The following PLEKHA5 variants were observed in gnomAD, a reference collection of about 807,000 sequenced individuals.
The protein encoded by PLEKHA5 is pleckstrin homology domain containing A5, also known as pleckstrin homology domain-containing family A member 5.
PLEKHA5 carries 55 observed loss-of-function variants against 181.9 expected under a neutral mutation model. That is an observed-to-expected ratio of 0.30 (90% CI 0.24 to 0.38). The LOEUF (loss-of-function observed/expected upper bound fraction) is 0.38. Ranked by LOEUF, PLEKHA5 falls within the 10% of genes least tolerant of loss-of-function variation. PLEKHA5 has a pLI of 1.00. For missense variants in PLEKHA5, 1,432 were observed against 1,549.5 expected, an observed-to-expected ratio of 0.92 and a Z score of 1.27; for synonymous variants, 535 against 529.4, an observed-to-expected ratio of 1.01 and a Z score of -0.15.
chr12:19,306,950 T>G (rs1043818313), intron 15 of PLEKHA5: 3 of 1,120,310 alleles, frequency 2.7e-6, no homozygotes, highest in South Asian at 1.4e-5. Context: ...GTTGGGCTCC[T>G]GCCTACTCCT....
chr12:19,233,014 G>A (rs557896614), intron 3 of PLEKHA5, among the ~76,000 whole-genome samples: 3 of 152,262 alleles, frequency 2.0e-5, no homozygotes, highest in Admixed American at 1.3e-4. Flanking sequence ...ATCATTAGGT[G>A]TGAGAGTTTA....
At chr12:19,205,462 T>C in intron 3 of PLEKHA5, 1 of 732,546 alleles carries the variant, frequency 1.4e-6, no homozygotes, top group Admixed American at 6.3e-5. Context: ...ATTGGCTGTT[T>C]TGTTCTATTT....
At chr12:19,350,389 C>A (rs371177313) in intron 25 of PLEKHA5, among the ~76,000 whole-genome samples, 213 of 152,312 alleles carry the variant, frequency 1.4e-3, no homozygotes, top group Middle Eastern at 3.4e-3. Flanking sequence ...AAATGTAAAA[C>A]TTTTTAGAAA....
At chr12:19,325,228 C>T (rs2091813703) in intron 20 of PLEKHA5, among the ~76,000 whole-genome samples, 1 of 151,520 alleles carries the variant, frequency 6.6e-6, no homozygotes, top group African/African-American at 2.4e-5. Flanking sequence ...CCTATCTCTA[C>T]AAGAAACAAA....
chr12:19,226,060 A>G (rs2152335855), intron 3 of PLEKHA5, among the ~76,000 whole-genome samples: 1 of 152,332 alleles, frequency 6.6e-6, no homozygotes, highest in Non-Finnish European at 1.5e-5. Context: ...TAAAATGTAC[A>G]GTACATTGGT....
intron 3 of PLEKHA5, among the ~76,000 whole-genome samples, chr12:19,242,488 G>C (rs1257011036): frequency 6.6e-6 from 1 of 152,062 alleles, no homozygotes; most frequent in African/African-American, 2.4e-5. Context: ...TGATCCACCT[G>C]CCTCTGCCTC....
chr12:19,306,708 A>C, intron 15 of PLEKHA5: 1 of 1,468,328 alleles, frequency 6.8e-7, no homozygotes, highest in Admixed American at 1.7e-5. Context: ...TCGGTTTCCT[A>C]GGCAAGATCG....
At chr12:19,225,645 T>C (rs904656766) in intron 3 of PLEKHA5, among the ~76,000 whole-genome samples, 1 of 152,186 alleles carries the variant, frequency 6.6e-6, no homozygotes, top group African/African-American at 2.4e-5. Context: ...TGTTAGAGGG[T>C]CCCAAACTAC....
chr12:19,349,832 G>T (rs775102446), intron 25 of PLEKHA5, among the ~76,000 whole-genome samples: 2 of 152,036 alleles, frequency 1.3e-5, no homozygotes, highest in Non-Finnish European at 2.9e-5. Flanking sequence ...CAAAAGTTTG[G>T]CTGGGCACGG....
chr12:19,342,060 C>CT (rs1459570803), intron 21 of PLEKHA5, among the ~76,000 whole-genome samples: 1 of 152,026 alleles, frequency 6.6e-6, no homozygotes, highest in African/African-American at 2.4e-5. Flanking sequence ...CATTAGAGGA[C>CT]TTTTTTAGCA....
At chr12:19,287,365 C>G in intron 12 of PLEKHA5, 108 bp from the exon 13 acceptor site, 2 of 735,196 alleles carry the variant, frequency 2.7e-6, no homozygotes. Flanking sequence ...GCACTAATAG[C>G]AATTTTAAAT....
chr12:19,187,651 A>G (rs2050163720), intron 3 of PLEKHA5, among the ~76,000 whole-genome samples: 2 of 152,136 alleles, frequency 1.3e-5, no homozygotes, highest in Admixed American at 6.5e-5. Flanking sequence ...TAAAAGTCAG[A>G]TCTTTTTAGT....
intron 3 of PLEKHA5, among the ~76,000 whole-genome samples, chr12:19,197,691 TGTGTG>T (rs2053191746): frequency 8.1e-6 from 1 of 123,408 alleles, no homozygotes; most frequent in Non-Finnish European, 1.8e-5. Context: ...TGTGTGTGTG[TGTGTG>T]TGTGTGTGTG....
chr12:19,213,631 G>T (rs185932406), intron 3 of PLEKHA5, among the ~76,000 whole-genome samples: 67 of 152,244 alleles, frequency 4.4e-4, no homozygotes, highest in African/African-American at 1.5e-3. Flanking sequence ...GAAGGAGGAG[G>T]AGATAGGGCA....
chr12:19,345,898 G>T lies in PLEKHA5; in HGVS notation c.2709+10G>T. On this transcript the variant is annotated intron_variant, in intron 23 of 31. Transcript: ENST00000429027. Reference sequence around the variant, plus strand: ...TAAGTACAAAAATGAGGTAAGTTTGGATTGTTTTTCTAATTATAAATTACT... The same window carrying T: ...TAAGTACAAAAATGAGGTAAGTTTGTATTGTTTTTCTAATTATAAATTACT... 2.2e-6 allele frequency: 3 copies of T among 1,384,848 alleles called. No individual in the cohort carries two copies. The highest frequency in any genetic ancestry group is 3.1e-6 in the Non-Finnish European group (3 of 980,096). 85.8% of individuals were successfully genotyped at this position (1,384,848 alleles called of 1,614,324 possible).
At chr12:19,178,428 G>T (rs895726502) in intron 3 of PLEKHA5, among the ~76,000 whole-genome samples, 8 of 152,190 alleles carry the variant, frequency 5.3e-5, no homozygotes, top group African/African-American at 1.9e-4. Context: ...TCACAAGTTA[G>T]AGAGACAGGT....
intron 30 of PLEKHA5, among the ~76,000 whole-genome samples, chr12:19,366,892 A>T (rs575706670): frequency 1.3e-5 from 2 of 151,982 alleles, no homozygotes; most frequent in Non-Finnish European, 2.9e-5. Flanking sequence ...CTATTCTCTC[A>T]TATTTTTTGG....
chr12:19,178,905 T>C (rs188805232), intron 3 of PLEKHA5, among the ~76,000 whole-genome samples: 1 of 152,314 alleles, frequency 6.6e-6, no homozygotes, highest in East Asian at 1.9e-4. Flanking sequence ...CTGTTGGATA[T>C]ATCAGTCTAA....
At chr12:19,334,141 AT>A (rs1282074312) in intron 20 of PLEKHA5, among the ~76,000 whole-genome samples, 2 of 152,104 alleles carry the variant, frequency 1.3e-5, no homozygotes, top group Non-Finnish European at 2.9e-5. Context: ...ACCCAGCCAG[AT>A]GTTGGGAGGA....
Sources: gnomAD v4.1 joint callset for allele counts (sites outside exome capture counted in the v4.1 genomes callset) on GRCh38, gnomAD v4.1.1 for gene constraint, MANE v1.5 for transcripts, NCBI Gene and HGNC (gene_info 2026-07-23, HGNC 2026-07-21) for gene names.